FER: variants seen among roughly 807,000 people sequenced by gnomAD.
The protein encoded by FER is FER tyrosine kinase.
FER carries 63 observed loss-of-function variants against 111.0 expected under a neutral mutation model. That is an observed-to-expected ratio of 0.57 (90% CI 0.46 to 0.70). FER has a LOEUF of 0.70. Ranked by LOEUF, FER falls within the 30% of genes least tolerant of loss-of-function variation. FER has a pLI of 0.00. For missense variants in FER, 914 were observed against 954.0 expected, an observed-to-expected ratio of 0.96 and a Z score of 0.55; for synonymous variants, 327 against 313.9, an observed-to-expected ratio of 1.04 and a Z score of -0.44.
chr5:109,180,241 T>TG (rs1758144429), intron 17 of FER, among the ~76,000 whole-genome samples: 1 of 152,168 alleles, frequency 6.6e-6, no homozygotes. Context: ...TTCCAACCTT[T>TG]GGGAAGCCCT....
chr5:108,948,162 G>A (rs987158724), intron 11 of FER, among the ~76,000 whole-genome samples: 11 of 151,942 alleles, frequency 7.2e-5, no homozygotes, highest in Non-Finnish European at 1.6e-4. Flanking sequence ...AGAATTAATC[G>A]CAATGGTATT....
At chr5:109,100,337 A>G in intron 16 of FER, 59 bp from the exon 17 acceptor site, 1 of 1,589,254 alleles carries the variant, frequency 6.3e-7, no homozygotes, top group Non-Finnish European at 8.6e-7. Context: ...ATCCAAATAG[A>G]TGATAAATGT....
intron 10 of FER, among the ~76,000 whole-genome samples, chr5:108,943,129 A>G (rs1159240962): frequency 6.6e-6 from 1 of 152,120 alleles, no homozygotes; most frequent in African/African-American, 2.4e-5. Flanking sequence ...ATTGGTTCAT[A>G]TTCAAAGGGT....
At chr5:108,969,223 T>G (rs1760304963) in intron 13 of FER, among the ~76,000 whole-genome samples, 1 of 152,196 alleles carries the variant, frequency 6.6e-6, no homozygotes, top group Admixed American at 6.5e-5. Context: ...AGTTGTGTCA[T>G]TCCAAGGTTA....
intron 5 of FER, among the ~76,000 whole-genome samples, chr5:108,849,155 G>GT (rs1469925790): frequency 2.0e-5 from 3 of 151,936 alleles, no homozygotes; most frequent in Non-Finnish European, 4.4e-5. Context: ...TTATGTTTGT[G>GT]TTTTTTGAGC....
At chr5:108,897,504 C>T in intron 9 of FER, 155 bp from the exon 10 acceptor site, 2 of 537,334 alleles carry the variant, frequency 3.7e-6, no homozygotes, top group Middle Eastern at 5.0e-4. Flanking sequence ...GTAATAAATA[C>T]TGTGATAACT....
chr5:109,125,712 T>A (rs1246424130), intron 17 of FER, among the ~76,000 whole-genome samples: 1 of 152,204 alleles, frequency 6.6e-6, no homozygotes, highest in African/African-American at 2.4e-5. Context: ...CAGAACTGGA[T>A]TTTTTCTCTC....
At chr5:108,904,702 T>C (rs1750506342) in intron 10 of FER, among the ~76,000 whole-genome samples, 1 of 152,290 alleles carries the variant, frequency 6.6e-6, no homozygotes, top group African/African-American at 2.4e-5. Context: ...AGTTTATGTG[T>C]AAGATATATT....
rs1772963284 is a variant in FER at position 109,052,411 on chromosome 5, G to C, written c.1924+5213G>C. ...CACCTTCCCTCCAGCAGTTAAGTAG[G>C]CTTGAACCTTGTCAAGGAGTTTGCC... is the stretch of plus-strand genomic sequence containing the variant. On this transcript the variant is annotated intron_variant, in intron 16 of 19. Transcript: ENST00000281092. 3 of 1,519,874 alleles carry C rather than the reference G, an allele frequency of 2.0e-6. No homozygotes were observed. The Admixed American group carries it at 5.0e-5, about 25-fold the overall frequency. 94.1% of individuals were successfully genotyped at this position (1,519,874 alleles called of 1,614,324 possible).
intron 17 of FER, among the ~76,000 whole-genome samples, chr5:109,154,789 A>T (rs1755193353): frequency 6.6e-6 from 1 of 151,908 alleles, no homozygotes; most frequent in Non-Finnish European, 1.5e-5. Flanking sequence ...TGGAATAGGG[A>T]CCTTCAAAAC....
At chr5:109,118,828 A>G (rs542342318) in intron 17 of FER, among the ~76,000 whole-genome samples, 3 of 151,530 alleles carry the variant, frequency 2.0e-5, no homozygotes, top group South Asian at 4.2e-4. Flanking sequence ...GGTAGTTTGT[A>G]TTTCTGTGGG....
chr5:108,978,085 G>A (rs1052687808), intron 13 of FER, among the ~76,000 whole-genome samples: 3 of 152,150 alleles, frequency 2.0e-5, no homozygotes, highest in South Asian at 2.1e-4. Context: ...GAGCTCAAGC[G>A]TCTGCCCGCC....
At chr5:108,997,259 A>C (rs1292965785) in intron 13 of FER, among the ~76,000 whole-genome samples, 3 of 141,468 alleles carry the variant, frequency 2.1e-5, no homozygotes, top group African/African-American at 8.1e-5. Flanking sequence ...AAAAAAAAAT[A>C]CAAAAAAAAT....
intron 16 of FER, among the ~76,000 whole-genome samples, chr5:109,085,894 C>T (rs1777510907): frequency 6.6e-6 from 1 of 151,586 alleles, no homozygotes; most frequent in Non-Finnish European, 1.5e-5. Flanking sequence ...GGGATAAAAC[C>T]TACTTCATCA....
At chr5:108,954,219 G>A (rs759020579) in intron 11 of FER, among the ~76,000 whole-genome samples, 42 of 152,018 alleles carry the variant, frequency 2.8e-4, no homozygotes, top group Non-Finnish European at 4.7e-4. Flanking sequence ...GGTGAGTGAA[G>A]ATAAAGACAG....
intron 10 of FER, among the ~76,000 whole-genome samples, chr5:108,935,632 CTT>C (rs997404958): frequency 4.6e-5 from 7 of 152,032 alleles, no homozygotes; most frequent in African/African-American, 1.7e-4. Flanking sequence ...AAAATTAAAA[CTT>C]TGGTTGTGGG....
intron 16 of FER, among the ~76,000 whole-genome samples, chr5:109,094,472 A>G (rs1747232033): frequency 6.6e-6 from 1 of 152,144 alleles, no homozygotes; most frequent in Admixed American, 6.6e-5. Context: ...TCTGTAATGC[A>G]AATATTCCAA....
chr5:108,938,553 A>T (rs774501220), intron 10 of FER, among the ~76,000 whole-genome samples: 8 of 152,026 alleles, frequency 5.3e-5, no homozygotes, highest in Non-Finnish European at 1.2e-4. Flanking sequence ...GAATTTTGCC[A>T]CAAGGGAGCA....
intron 5 of FER, among the ~76,000 whole-genome samples, chr5:108,848,632 A>G (rs938352829): frequency 1.3e-5 from 2 of 151,994 alleles, no homozygotes; most frequent in African/African-American, 4.8e-5. Context: ...TTATTGTGAT[A>G]TATTTTATAT....
Sources: gnomAD v4.1 joint callset for allele counts (sites outside exome capture counted in the v4.1 genomes callset) on GRCh38, gnomAD v4.1.1 for gene constraint, MANE v1.5 for transcripts, NCBI Gene and HGNC (gene_info 2026-07-23, HGNC 2026-07-21) for gene names.